The following PMP22 variants were observed in gnomAD, a reference collection of about 807,000 sequenced individuals.
PMP22 encodes the protein Charcot-Marie-Tooth neuropathy 1A (greatly reduced nerve conduction velocity, hereditary motor sensory neuropathy Ia).
In PMP22, 2 loss-of-function variants were observed where a neutral mutation model predicts 18.9. The observed-to-expected ratio is 0.11, with a 90% CI of 0.04 to 0.33. The LOEUF (loss-of-function observed/expected upper bound fraction) is 0.33, where lower values mean the gene tolerates loss of function less well. PMP22 is among the 10% of genes least tolerant of loss of function. The pLI, the probability that PMP22 is intolerant of heterozygous loss-of-function variation, is 1.00. For missense variants in PMP22, 169 were observed against 202.2 expected (o/e 0.84, Z 1.00); for synonymous variants, 95 against 89.2 (o/e 1.07, Z -0.37).
intron 1 of PMP22, 117 bp from the exon 2 acceptor site, chr17:15,260,878 C>G: frequency 2.9e-6 from 2 of 696,692 alleles, no homozygotes; most frequent in Non-Finnish European, 4.8e-6. Flanking sequence ...CGCCCGCAGC[C>G]CGACCGCCCG....
chr17:15,260,689 G>A lies in PMP22; in HGVS notation c.39C>T (p.Val13=), dbSNP rs1337833798. 2 of 1,553,618 alleles carry A rather than the reference G, an allele frequency of 1.3e-6. No homozygotes were observed. The highest frequency in any genetic ancestry group is 2.0e-5 in the Admixed American group (1 of 51,198). The part of the protein sequence containing the change: ...LLLLSIIVLH[V]AVLVLLFVST... Reference sequence around the variant, plus strand: ...AGACGAACAGCAGCACCAGCACCGCGACGTGGAGGACGATGATACTCAGCA... The same window carrying A: ...AGACGAACAGCAGCACCAGCACCGCAACGTGGAGGACGATGATACTCAGCA... Residue 13 remains valine, a synonymous_variant, in exon 2 of 5, where the codon GTC becomes GTT. Transcript: ENST00000312280.
chr17:15,230,539 G>A lies in PMP22; in HGVS notation c.*378C>T, dbSNP rs886633729. 5 of 234,908 alleles carry A rather than the reference G, an allele frequency of 2.1e-5. No individual in the cohort carries two copies. Among genetic ancestry groups the A allele is most frequent in the African/African-American group, 9.2e-5 (4 of 43,496 alleles). 14.6% of individuals were successfully genotyped at this position (234,908 alleles called of 1,614,324 possible). A position where few individuals can be genotyped will look rare whatever the true frequency, so the allele number is the denominator to read the frequency against. On this transcript the variant is annotated 3_prime_UTR_variant, in exon 5 of 5. Transcript: ENST00000312280. ...TCTTCTTTCAGATGAAAGGGAAGGGGCGAGATGGAGTTATCTTATTTCTGG... is the reference window on the plus strand; with the variant it reads ...TCTTCTTTCAGATGAAAGGGAAGGGACGAGATGGAGTTATCTTATTTCTGG...
Position 15,261,572 on chromosome 17 carries a change from G to T in PMP22, c.-34-811C>A, listed in dbSNP as rs924031305. On this transcript the variant is annotated intron_variant, in intron 1 of 4. Coordinates refer to ENST00000312280, the MANE Select transcript of PMP22 (RefSeq NM_000304.4). The surrounding 1 kb of genome is among the most constrained non-coding windows in gnomAD (Gnocchi z 5.2). The stretch of plus-strand genomic sequence containing the variant: ...ACGTGCTCGCCTAGGGGTCCAGTCT[G>T]CACCCCAGGCACTCAAAGCCAGGAC... The T allele has an allele frequency of 6.6e-6, 1 of 152,322 alleles. No individual in the cohort carries two copies. Among genetic ancestry groups the T allele is most frequent in the African/African-American group, 2.4e-5 (1 of 41,436 alleles). The allele number at this position is 152,322 out of a possible 1,614,324, so 9.4% of individuals were successfully genotyped here.
chr17:15,247,354 G>T (rs1407287101), intron 3 of PMP22, among the ~76,000 whole-genome samples: 4 of 152,216 alleles, frequency 2.6e-5, no homozygotes, highest in Non-Finnish European at 5.9e-5. Context: ...GGGCGACAGA[G>T]CGAGACTGTC....
chr17:15,250,827 C>T (rs1597622309), intron 3 of PMP22, among the ~76,000 whole-genome samples: 1 of 152,178 alleles, frequency 6.6e-6, no homozygotes, highest in East Asian at 1.9e-4. Context: ...GTATTCTTAA[C>T]ATCATTGTCA....
chr17:15,246,449 AAAT>A (rs1907825096), intron 3 of PMP22, among the ~76,000 whole-genome samples: 1 of 152,252 alleles, frequency 6.6e-6, no homozygotes, highest in Non-Finnish European at 1.5e-5. Context: ...GCTGTACAGA[AAAT>A]AATGATTCGA....
intron 3 of PMP22, 34 bp from the exon 4 acceptor site, chr17:15,239,645 G>A: frequency 1.2e-6 from 2 of 1,612,600 alleles, no homozygotes; most frequent in South Asian, 1.1e-5. Context: ...AGGAGAGCTG[G>A]CCATGGCCGG....
Position 15,261,305 on chromosome 17 carries a change from C to T in PMP22, c.-34-544G>A. On this transcript the variant is annotated intron_variant, in intron 1 of 4. Coordinates refer to ENST00000312280, the MANE Select transcript of PMP22 (RefSeq NM_000304.4). The surrounding 1 kb of genome is among the most constrained non-coding windows in gnomAD (Gnocchi z 5.2). ...GAGGCTGGTTTCCCAGACCCCAGTG[C>T]TCTCCGCATTCCGTTTGTCTCCAAG... 1 of 153,006 alleles carries T rather than the reference C, an allele frequency of 6.5e-6. No homozygotes were observed. Among genetic ancestry groups the T allele is most frequent in the Non-Finnish European group, 1.5e-5 (1 of 68,650 alleles). 9.5% of individuals were successfully genotyped at this position (153,006 alleles called of 1,614,324 possible). A position where few individuals can be genotyped will look rare whatever the true frequency, so the allele number is the denominator to read the frequency against.
At chr17:15,231,202 C>T in intron 4 of PMP22, 122 bp from the exon 5 acceptor site, 1 of 968,852 alleles carries the variant, frequency 1.0e-6, no homozygotes, top group Non-Finnish European at 1.6e-6. Context: ...GGAAGGAAAT[C>T]TGCTTCCAGG....
chr17:15,241,559 C>T (rs115917524), intron 3 of PMP22, among the ~76,000 whole-genome samples: 3,101 of 152,214 alleles, frequency 0.02, 97 homozygotes, highest in African/African-American at 0.069. Flanking sequence ...TAACCCCGCG[C>T]CCCTGTCATT....
At chr17:15,260,935 A>G (rs1364932121) in intron 1 of PMP22, 174 bp from the exon 2 acceptor site, 1 of 395,962 alleles carries the variant, frequency 2.5e-6, no homozygotes, top group Admixed American at 4.8e-5. Context: ...AGGGGGCAGC[A>G]GCCGCCTGCA....
At chr17:15,238,659 CAAGATGT>C (rs145962398) in intron 4 of PMP22, among the ~76,000 whole-genome samples, 2,191 of 152,108 alleles carry the variant, frequency 0.014, 31 homozygotes, top group African/African-American at 0.04. Flanking sequence ...AGGCAGAATG[CAAGATGT>C]AAGATGTAAG....
intron 3 of PMP22, chr17:15,251,603 G>A (rs1908354374): frequency 6.5e-6 from 1 of 153,574 alleles, no homozygotes; most frequent in South Asian, 2.1e-4. Flanking sequence ...ATAGGAAGGA[G>A]GGATGGGCCA....
chr17:15,263,478 A>G (rs539704067), intron 1 of PMP22, among the ~76,000 whole-genome samples: 2 of 152,036 alleles, frequency 1.3e-5, no homozygotes, highest in African/African-American at 2.4e-5. Context: ...GGCGCGCCCA[A>G]CTGAGACTCC....
chr17:15,240,497 A>G (rs1446306058), intron 3 of PMP22, among the ~76,000 whole-genome samples: 3 of 150,290 alleles, frequency 2.0e-5, no homozygotes, highest in African/African-American at 2.5e-5. Flanking sequence ...AGACGGGATG[A>G]AGGCTTACAC....
chr17:15,250,070 C>T (rs2150693497), intron 3 of PMP22, among the ~76,000 whole-genome samples: 1 of 152,290 alleles, frequency 6.6e-6, no homozygotes, highest in Non-Finnish European at 1.5e-5. Flanking sequence ...CACCGGCCAC[C>T]ACGCCCGGCT....
At chr17:15,260,496 A>T in intron 2 of PMP22, 154 bp downstream of exon 2, 1 of 717,760 alleles carries the variant, frequency 1.4e-6, no homozygotes, top group Non-Finnish European at 2.5e-6. Flanking sequence ...TCTCAAAGCA[A>T]CTGGAAGGGG....
At chr17:15,251,132 T>C (rs921188052) in intron 3 of PMP22, among the ~76,000 whole-genome samples, 4 of 152,166 alleles carry the variant, frequency 2.6e-5, no homozygotes, top group Non-Finnish European at 5.9e-5. Flanking sequence ...GCCTTGGTTC[T>C]TCCCTTTACC....
At chr17:15,256,590 G>A (rs1001504391) in intron 3 of PMP22, among the ~76,000 whole-genome samples, 8 of 152,146 alleles carry the variant, frequency 5.3e-5, no homozygotes, top group African/African-American at 1.2e-4. Context: ...GTAGTCAGCC[G>A]AGATTGCACC....
Sources: gnomAD v4.1 joint callset for allele counts (sites outside exome capture counted in the v4.1 genomes callset) on GRCh38, gnomAD v4.1.1 for gene constraint, Gnocchi (gnomAD v3.1) non-coding constraint, MANE v1.5 for transcripts, NCBI Gene and HGNC (gene_info 2026-07-23, HGNC 2026-07-21) for gene names.